RIMS2: variants seen among roughly 807,000 people sequenced by gnomAD.
RIMS2 encodes the protein regulating synaptic membrane exocytosis protein 2.
In RIMS2, 59 loss-of-function variants were observed where a neutral mutation model predicts 174.4. The observed-to-expected ratio is 0.34, with a 90% confidence interval of 0.27 to 0.42. The LOEUF (loss-of-function observed/expected upper bound fraction) is 0.42, where lower values mean the gene tolerates loss of function less well. RIMS2 is among the 10% of genes least tolerant of loss of function. RIMS2 has a pLI of 1.00. For synonymous variants in RIMS2, 606 were observed against 572.5 expected (o/e 1.06, Z -0.84); for missense variants, 1,620 against 1,666.3 (o/e 0.97, Z 0.48).
At chr8:103,701,728 G>A (rs979892868) in intron 2 of RIMS2, among the ~76,000 whole-genome samples, 4 of 151,782 alleles carry the variant, frequency 2.6e-5, no homozygotes, top group Admixed American at 6.6e-5. Flanking sequence ...ACATAATGAC[G>A]TCCAATTCCA....
intron 17 of RIMS2, among the ~76,000 whole-genome samples, chr8:103,992,725 T>TA (rs2094808816): frequency 6.6e-6 from 1 of 152,192 alleles, no homozygotes; most frequent in East Asian, 1.9e-4. Flanking sequence ...GTGTTATCAT[T>TA]AGTCAAAATC....
At chr8:103,506,340 G>A (rs1410462333) in intron 1 of RIMS2, among the ~76,000 whole-genome samples, 2 of 152,088 alleles carry the variant, frequency 1.3e-5, no homozygotes, top group Non-Finnish European at 2.9e-5. Context: ...TATATTGTGC[G>A]ATGAAGAAAG....
intron 2 of RIMS2, among the ~76,000 whole-genome samples, chr8:103,700,034 G>A (rs11994331): frequency 0.019 from 2,844 of 152,194 alleles, 78 homozygotes; most frequent in African/African-American, 0.064. Context: ...TAAGAAGCAT[G>A]CATATTCTTC....
intron 19 of RIMS2, among the ~76,000 whole-genome samples, chr8:104,237,683 G>A (rs2099265840): frequency 6.6e-6 from 1 of 152,072 alleles, no homozygotes; most frequent in Non-Finnish European, 1.5e-5. Flanking sequence ...ATGGATTCAT[G>A]TTAAAGTCCG....
At chr8:103,931,562 T>A (rs1049676100) in intron 12 of RIMS2, among the ~76,000 whole-genome samples, 169 bp downstream of exon 14, 2 of 152,084 alleles carry the variant, frequency 1.3e-5, no homozygotes, top group African/African-American at 4.8e-5. Context: ...AAATAAGATT[T>A]TTTAAAACTC....
In RIMS2 at chr8:103,899,647, A is replaced by C. The variant is rs1166768127; in HGVS notation, c.1625-10487A>C. Among the ~76,000 whole-genome samples, 2 of 151,386 alleles carry C rather than the reference A, an allele frequency of 1.3e-5. 1 individual carries two copies. The highest frequency in any genetic ancestry group is 4.9e-5 in the African/African-American group (2 of 40,858). On this transcript the variant is annotated intron_variant, in intron 4 of 23. Transcript: ENST00000504942. ...CTTTGTCGTATGGGTAGATTGCAAA[A>C]ATTTTCTCCCATTCTGTAGGTTGCC...
intron 2 of RIMS2, among the ~76,000 whole-genome samples, chr8:103,762,305 C>T (rs1210751025): frequency 6.6e-6 from 1 of 151,952 alleles, no homozygotes; most frequent in African/African-American, 2.4e-5. Context: ...TTTGTATTCT[C>T]AGGTTCTAGA....
intron 19 of RIMS2, among the ~76,000 whole-genome samples, chr8:104,016,527 T>C: frequency 6.6e-6 from 1 of 152,104 alleles, no homozygotes. Flanking sequence ...TGGTCTGTTA[T>C]GCTGCCTGAG....
intron 11 of RIMS2, chr8:103,927,959 C>A (rs369397058): frequency 3.1e-6 from 4 of 1,281,788 alleles, no homozygotes; most frequent in South Asian, 1.4e-5. Flanking sequence ...TTGGAAAATG[C>A]GTTAGTAGGA....
chr8:103,544,941 G>T (rs1334923834), intron 1 of RIMS2, among the ~76,000 whole-genome samples: 1 of 152,106 alleles, frequency 6.6e-6, no homozygotes, highest in Admixed American at 6.5e-5. Context: ...GCCCACACAT[G>T]TGAAAAAACC....
intron 1 of RIMS2, among the ~76,000 whole-genome samples, chr8:103,637,651 A>G (rs2096120238): frequency 6.6e-6 from 1 of 152,182 alleles, no homozygotes. Flanking sequence ...GAGTTCCTGT[A>G]TCTTGTTCAC....
intron 19 of RIMS2, among the ~76,000 whole-genome samples, chr8:104,090,058 A>C (rs1260481216): frequency 7.0e-6 from 1 of 143,560 alleles, no homozygotes; most frequent in African/African-American, 2.7e-5. Flanking sequence ...ACACATGCAC[A>C]TATATATATT....
Position 103,880,410 on chromosome 8 carries a change from G to C in RIMS2, c.699-4888G>C, listed in dbSNP as rs772985829. 4 of 312,718 alleles carry C rather than the reference G, an allele frequency of 1.3e-5. No homozygotes were observed. The East Asian group carries it at 1.9e-4, about 15-fold the overall frequency. 19.4% of individuals were successfully genotyped at this position (312,718 alleles called of 1,614,324 possible). A position where few individuals can be genotyped will look rare whatever the true frequency, so the allele number is the denominator to read the frequency against. ...AGCTATATACAGCCACATAGTAACA[G>C]CATTAAAGAATAACCTTTTTCTTAA... On this transcript the variant is annotated intron_variant, in intron 3 of 23. Transcript: ENST00000504942.
At chr8:103,717,804 G>A (rs1011217571) in intron 2 of RIMS2, among the ~76,000 whole-genome samples, 7 of 152,072 alleles carry the variant, frequency 4.6e-5, no homozygotes, top group African/African-American at 1.4e-4. Context: ...CTGTTCAATA[G>A]GACTTTCAGC....
At chr8:103,638,163 T>C (rs767258954) in intron 1 of RIMS2, among the ~76,000 whole-genome samples, 8 of 152,224 alleles carry the variant, frequency 5.3e-5, no homozygotes, top group Admixed American at 2.6e-4. Context: ...TGCAAGTGGG[T>C]CACTAATTTC....
chr8:103,901,586 T>C lies in RIMS2; in HGVS notation c.1625-8548T>C, dbSNP rs185891866. 9.4e-4 allele frequency among the ~76,000 whole-genome samples: 143 copies of C among 152,294 alleles called. 1 individual carries two copies. The highest frequency in any genetic ancestry group is 3.4e-3 in the African/African-American group (142 of 41,576). On this transcript the variant is annotated intron_variant, in intron 4 of 23. Transcript: ENST00000504942. ...TTGTCTATCTTTCTAGAATGTGAAT[T>C]TCTTAAGCTCCTATTTGTACCTGTG...
At chr8:103,620,915 A>G (rs1446945811) in intron 1 of RIMS2, among the ~76,000 whole-genome samples, 1 of 152,226 alleles carries the variant, frequency 6.6e-6, no homozygotes, top group Non-Finnish European at 1.5e-5. Flanking sequence ...ATAGGTGGAT[A>G]GAACAAAGAT....
chr8:103,767,279 C>T (rs1045206719), intron 3 of RIMS2, among the ~76,000 whole-genome samples: 1 of 151,764 alleles, frequency 6.6e-6, no homozygotes, highest in Admixed American at 6.6e-5. Flanking sequence ...TCCCTGCTTC[C>T]CAGGTTCAAG....
At chr8:104,195,561 C>A (rs2099019997) in intron 19 of RIMS2, among the ~76,000 whole-genome samples, 1 of 145,804 alleles carries the variant, frequency 6.9e-6, no homozygotes, top group Non-Finnish European at 1.5e-5. Context: ...GTCAGCCAGG[C>A]TGGAATGCAA....
Sources: gnomAD v4.1 joint callset for allele counts (sites outside exome capture counted in the v4.1 genomes callset) on GRCh38, gnomAD v4.1.1 for gene constraint, MANE v1.5 for transcripts, NCBI Gene and HGNC (gene_info 2026-07-23, HGNC 2026-07-21) for gene names.